WDR7: variants seen among roughly 807,000 people sequenced by gnomAD.
The protein encoded by WDR7 is WD repeat-containing protein 7.
A neutral mutation model predicts 169.4 loss-of-function variants in WDR7; 46 were observed. That is an observed-to-expected ratio of 0.27 (90% confidence interval 0.21 to 0.35). The LOEUF is 0.35. Among genes scored for constraint, WDR7 ranks in the 10% least tolerant of loss-of-function variants. The pLI is 1.00. For missense variants in WDR7, 1,534 were observed against 1,859.3 expected (o/e 0.83, Z 3.22); for synonymous variants, 612 against 666.8 (o/e 0.92, Z 1.27).
chr18:56,653,736 A>G (rs1029424751), intron 1 of WDR7, among the ~76,000 whole-genome samples: 10 of 152,142 alleles, frequency 6.6e-5, no homozygotes, highest in Non-Finnish European at 1.3e-4. Flanking sequence ...AGTGCTGCAC[A>G]ATATTTCAGA....
intron 21 of WDR7, among the ~76,000 whole-genome samples, chr18:56,883,339 C>T (rs1004216181): frequency 4.0e-5 from 6 of 151,490 alleles, no homozygotes; most frequent in African/African-American, 1.5e-4. Context: ...TAAGAGAGTA[C>T]TGTTGTCATC....
chr18:56,802,450 T>G (rs1317753763), intron 19 of WDR7, among the ~76,000 whole-genome samples: 3 of 151,940 alleles, frequency 2.0e-5, no homozygotes, highest in Non-Finnish European at 4.4e-5. Context: ...CTCTGCCTCC[T>G]GGGTTCATAC....
At position 56,880,182 on chromosome 18, in the gene WDR7, C is replaced by T; in HGVS notation, c.3526+17C>T. 6.2e-7 allele frequency: 1 copy of T among 1,606,672 alleles called. No homozygotes were observed. Among genetic ancestry groups the T allele is most frequent in the Non-Finnish European group, 8.5e-7 (1 of 1,175,142 alleles). On this transcript the variant is annotated intron_variant, in intron 21 of 27. Transcript: ENST00000254442. ...GACATACTTGTAAGTTTTAAAACTT[C>T]TAATGCTGATCTGTTGCTTCTGAAT...
chr18:57,008,129 G>A (rs900021505), intron 26 of WDR7, among the ~76,000 whole-genome samples: 10 of 151,864 alleles, frequency 6.6e-5, no homozygotes, highest in African/African-American at 1.2e-4. Flanking sequence ...CCTATCCGCC[G>A]CGCCCTCCCC....
intron 26 of WDR7, among the ~76,000 whole-genome samples, chr18:57,012,189 AAG>A (rs1041383817): frequency 6.6e-6 from 1 of 152,110 alleles, no homozygotes; most frequent in African/African-American, 2.4e-5. Context: ...GGTCAAATAA[AAG>A]AGTGTTTCTT....
intron 19 of WDR7, among the ~76,000 whole-genome samples, chr18:56,809,339 C>T (rs189780021): frequency 1.6e-4 from 24 of 152,058 alleles, no homozygotes; most frequent in Non-Finnish European, 2.6e-4. Context: ...ATTTAAATAA[C>T]GCAATTTGTG....
chr18:56,735,190 C>T (rs1194147186), intron 14 of WDR7, among the ~76,000 whole-genome samples: 2 of 151,942 alleles, frequency 1.3e-5, no homozygotes, highest in Non-Finnish European at 2.9e-5. Context: ...AGGATTAGGC[C>T]CTGGAAATGT....
chr18:56,976,139 G>T (rs73444880), intron 26 of WDR7, among the ~76,000 whole-genome samples: 6,576 of 152,222 alleles, frequency 0.043, 429 homozygotes, highest in African/African-American at 0.14. Flanking sequence ...GTCGATCAGG[G>T]CTTCATTGAC....
At chr18:56,704,381 G>GAA (rs11407784) in intron 12 of WDR7, among the ~76,000 whole-genome samples, 94 of 145,256 alleles carry the variant, frequency 6.5e-4, no homozygotes, top group Admixed American at 8.3e-4. Flanking sequence ...TATCAAAAAA[G>GAA]AAAAAAAAAA....
intron 1 of WDR7, among the ~76,000 whole-genome samples, chr18:56,671,082 C>T (rs1335380048): frequency 6.6e-6 from 1 of 152,126 alleles, no homozygotes; most frequent in East Asian, 1.9e-4. Context: ...AAGAGGTGCA[C>T]TCCAGGATGC....
downstream of WDR7, chr18:57,031,829 CAAATGCTCAGAAGAGT>C (rs2048443344): frequency 6.6e-6 from 1 of 152,168 alleles, no homozygotes; most frequent in South Asian, 2.1e-4. Context: ...TTGCACCTGT[CAAATGCTCAGAAGAGT>C]GGCACACAGG....
Position 56,776,872 on chromosome 18 carries a change from TA to T in WDR7, c.2942del (p.Asn981MetfsTer7). ...CCTGCTTTACATACCTGTTTCTTAG[TA>T]AATGAAGGTATCTCTCTCAACTTCT... is the stretch of plus-strand genomic sequence containing the variant. Reference protein sequence around the residue: ...SAPALHTCFLVNEGWSQLAAM... With the variant: ...SAPALHTCFLXNEGWSQLAAM... On this transcript the variant is annotated frameshift_variant, in exon 17 of 28. Transcript: ENST00000254442. LOFTEE classifies it high-confidence loss of function. 1 of 1,612,806 alleles carries T rather than the reference TA, an allele frequency of 6.2e-7. No individual in the cohort carries two copies. The highest frequency in any genetic ancestry group is 8.5e-7 in the Non-Finnish European group (1 of 1,178,904).
At chr18:57,020,622 CAAAG>C (rs1568316966) in intron 26 of WDR7, 119 bp from the exon 27 acceptor site, 1 of 856,926 alleles carries the variant, frequency 1.2e-6, no homozygotes, top group Non-Finnish European at 1.8e-6. Flanking sequence ...ATTTTATAAA[CAAAG>C]AAGATAACAG....
chr18:56,829,695 A>G (rs1252062073), intron 20 of WDR7, among the ~76,000 whole-genome samples: 1 of 152,246 alleles, frequency 6.6e-6, no homozygotes, highest in African/African-American at 2.4e-5. Flanking sequence ...TGAGTTATGC[A>G]TAACATGCAC....
chr18:56,657,801 G>A (rs1408300136), intron 1 of WDR7, among the ~76,000 whole-genome samples: 2 of 152,208 alleles, frequency 1.3e-5, no homozygotes, highest in Non-Finnish European at 2.9e-5. Context: ...GAAAGTCCTT[G>A]TGAGTCCAAG....
intron 14 of WDR7, 127 bp from the exon 15 acceptor site, chr18:56,756,456 T>C: frequency 1.2e-6 from 1 of 819,660 alleles, no homozygotes; most frequent in Non-Finnish European, 1.8e-6. Context: ...TTACTTTTCA[T>C]GATATAGGTT....
intron 19 of WDR7, among the ~76,000 whole-genome samples, chr18:56,791,918 C>T (rs1453569191): frequency 6.6e-6 from 1 of 152,148 alleles, no homozygotes; most frequent in Non-Finnish European, 1.5e-5. Context: ...AGCCTTGTCT[C>T]CTCAACCAAG....
At chr18:56,981,154 T>C (rs201379840) in intron 26 of WDR7, among the ~76,000 whole-genome samples, 13 of 152,184 alleles carry the variant, frequency 8.5e-5, no homozygotes, top group Non-Finnish European at 1.3e-4. Flanking sequence ...AGCCTAAAGG[T>C]AAAATTGACT....
chr18:56,920,911 G>T (rs568982030), intron 21 of WDR7, among the ~76,000 whole-genome samples: 1 of 152,054 alleles, frequency 6.6e-6, no homozygotes, highest in South Asian at 2.1e-4. Flanking sequence ...GTGTCATATG[G>T]AATTATAAAT....
Sources: gnomAD v4.1 joint callset for allele counts (sites outside exome capture counted in the v4.1 genomes callset) on GRCh38, gnomAD v4.1.1 for gene constraint, MANE v1.5 for transcripts, NCBI Gene and HGNC (gene_info 2026-07-23, HGNC 2026-07-21) for gene names.